The following SEC14L1 variants were observed in gnomAD, a reference collection of about 807,000 sequenced individuals.
SEC14L1 encodes the protein SEC14-like protein 1.
In SEC14L1, 48 loss-of-function variants were observed where a neutral mutation model predicts 85.3. The ratio of observed to expected loss-of-function variants is 0.56; its 90% CI spans 0.45 to 0.72. The LOEUF is 0.72. SEC14L1 is among the 30% of genes least tolerant of loss of function. The pLI is 0.00. For synonymous variants in SEC14L1, 391 were observed against 355.5 expected (o/e 1.10, Z -1.12); for missense variants, 682 against 921.4 (o/e 0.74, Z 3.36).
At chr17:77,091,904 C>T (rs541148855) in intron 2 of SEC14L1, among the ~76,000 whole-genome samples, 23 of 152,184 alleles carry the variant, frequency 1.5e-4, no homozygotes, top group Admixed American at 1.0e-3. Flanking sequence ...CTCCGCCTCC[C>T]GGGTTCAAGC....
chr17:77,112,283 G>A (rs929527364), intron 3 of SEC14L1, among the ~76,000 whole-genome samples: 1 of 152,056 alleles, frequency 6.6e-6, no homozygotes, highest in Non-Finnish European at 1.5e-5. Context: ...GCCAGTCTCG[G>A]GTCTCTCTTC....
At chr17:77,134,196 C>A (rs553288291) in intron 3 of SEC14L1, among the ~76,000 whole-genome samples, 1 of 152,012 alleles carries the variant, frequency 6.6e-6, no homozygotes, top group East Asian at 1.9e-4. Flanking sequence ...ACTATTAGCC[C>A]AGAGAACAGA....
chr17:77,176,359 A>G (rs576007593), intron 3 of SEC14L1, among the ~76,000 whole-genome samples: 1 of 152,258 alleles, frequency 6.6e-6, no homozygotes, highest in South Asian at 2.1e-4. Context: ...CGGATCAATC[A>G]GAGGAAACTG....
chr17:77,090,625 G>A (rs1013483793), intron 2 of SEC14L1, among the ~76,000 whole-genome samples: 2 of 151,978 alleles, frequency 1.3e-5, no homozygotes, highest in African/African-American at 4.8e-5. Flanking sequence ...AGCAGGTGCA[G>A]CTGGTGAAGG....
intron 3 of SEC14L1, among the ~76,000 whole-genome samples, chr17:77,144,486 C>G (rs1471009564): frequency 6.6e-6 from 1 of 152,152 alleles, no homozygotes; most frequent in Non-Finnish European, 1.5e-5. Flanking sequence ...AATAGAAACG[C>G]AGGTGTTTTA....
Position 77,192,422 on chromosome 17 carries a change from G to C in SEC14L1, c.346-999G>C, listed in dbSNP as rs182025569. On this transcript the variant is annotated intron_variant, in intron 5 of 16. Transcript: ENST00000436233. ...TGTTTCCACAGTTCGCCCAGAGGAA[G>C]AGCCCATAGTCTTTATGGTGACTTG... Among the ~76,000 whole-genome samples, 8 of 152,308 alleles carry C rather than the reference G, an allele frequency of 5.3e-5. No individual in the cohort carries two copies. The East Asian group carries it at 1.5e-3, about 29-fold the overall frequency.
intron 3 of SEC14L1, among the ~76,000 whole-genome samples, chr17:77,186,546 C>T (rs1975276202): frequency 6.6e-6 from 1 of 152,230 alleles, no homozygotes; most frequent in Admixed American, 6.5e-5. Context: ...TACCATGGTC[C>T]CTTGTGCGTA....
intron 3 of SEC14L1, among the ~76,000 whole-genome samples, chr17:77,132,317 G>A (rs548583250): frequency 2.0e-4 from 30 of 151,506 alleles, no homozygotes; most frequent in African/African-American, 7.0e-4. Flanking sequence ...CCAACTCCTG[G>A]GTTCAAGCGA....
intron 9 of SEC14L1, 27 bp from the exon 10 acceptor site, chr17:77,203,543 C>G (rs748161517): frequency 4.4e-6 from 7 of 1,593,282 alleles, no homozygotes; most frequent in Non-Finnish European, 5.2e-6. Flanking sequence ...ATGGTGCTGA[C>G]AACTCATTCC....
intron 3 of SEC14L1, among the ~76,000 whole-genome samples, chr17:77,184,060 A>T (rs1314982022): frequency 1.3e-5 from 2 of 152,118 alleles, no homozygotes; most frequent in Non-Finnish European, 2.9e-5. Flanking sequence ...TGCTGGGATT[A>T]CAGGGGTGAG....
chr17:77,176,402 G>C (rs55816412), intron 3 of SEC14L1, among the ~76,000 whole-genome samples: 10,356 of 152,288 alleles, frequency 0.068, 432 homozygotes, highest in Admixed American at 0.12. Context: ...TCAGTCCCGT[G>C]TGAGGATTTA....
At position 77,216,602 on chromosome 17, in the gene SEC14L1, G is replaced by A. The variant is rs746101750; in HGVS notation, c.*2579G>A. The A allele has an allele frequency of 6.2e-7, 1 of 1,613,294 alleles. No individual in the cohort carries two copies. ...AAATGCTTCACTCAACAGTCCTCAT[G>A]TGCCCAGAGATGTTTATAGAACTGT... On this transcript the variant is annotated 3_prime_UTR_variant, in exon 17 of 17. Coordinates refer to ENST00000436233, the MANE Select transcript of SEC14L1 (RefSeq NM_001143998.2).
intron 2 of SEC14L1, chr17:77,089,338 G>T (rs199571177): frequency 8.2e-5 from 42 of 511,732 alleles, no homozygotes; most frequent in Non-Finnish European, 3.1e-5. Flanking sequence ...GTGTTGTTGA[G>T]CCTGCCAAGT....
chr17:77,190,943 G>A lies in SEC14L1; in HGVS notation c.204G>A (p.Leu68=). 1.2e-6 allele frequency: 2 copies of A among 1,614,148 alleles called. No homozygotes were observed. The highest frequency in any genetic ancestry group is 1.7e-6 in the Non-Finnish European group (2 of 1,180,034). ...AGCTGGATGTAGATGCACCCAGACT[G>A]CTGAAGAAGGTAAAGGTCGGAAAGG... ...RCKLDVDAPR[L]LKKIAGVDYV... The change falls in exon 4 of 17, where the codon CTG becomes CTA. Residue 68 remains leucine (L), a synonymous_variant. Transcript: ENST00000436233.
At chr17:77,205,989 G>T (rs571460602) in intron 11 of SEC14L1, among the ~76,000 whole-genome samples, 2 of 152,120 alleles carry the variant, frequency 1.3e-5, no homozygotes, top group Non-Finnish European at 2.9e-5. Context: ...AGAGCTTTTC[G>T]TGCATTATCA....
At chr17:77,185,421 A>C in intron 3 of SEC14L1, 1 of 982,376 alleles carries the variant, frequency 1.0e-6, no homozygotes, top group Middle Eastern at 5.2e-4. Context: ...GTCTACGTGG[A>C]TGGAGAATTT....
intron 3 of SEC14L1, among the ~76,000 whole-genome samples, chr17:77,159,382 CTTT>C (rs763082986): frequency 3.4e-5 from 4 of 118,186 alleles, no homozygotes; most frequent in African/African-American, 3.2e-5. Context: ...TCTTCTTCTT[CTTT>C]TTTTTTTTTT....
At chr17:77,150,058 A>G (rs947215070) in intron 3 of SEC14L1, among the ~76,000 whole-genome samples, 1 of 152,144 alleles carries the variant, frequency 6.6e-6, no homozygotes, top group Non-Finnish European at 1.5e-5. Context: ...TCTCAGAGTA[A>G]CCACAGTTGT....
At position 77,096,773 on chromosome 17, in the gene SEC14L1, CAA is replaced by C. The variant is rs1414364898; in HGVS notation, c.-136+3430_-136+3431del. Among the ~76,000 whole-genome samples the C allele has an allele frequency of 2.6e-5, 4 of 152,052 alleles. No homozygotes were observed. In the East Asian group the frequency reaches 7.7e-4, roughly 29 times the overall value. ...TAATTTAGCCAAGACTTTCTGTGAC[CAA>C]AAAGTTATGTCTGTTGTAACTTGGT... is the stretch of plus-strand genomic sequence containing the variant. On this transcript the variant is annotated intron_variant, in intron 3 of 19. Transcript: ENST00000392476.
Sources: allele counts gnomAD v4.1 joint callset (sites outside exome capture counted in the v4.1 genomes callset), GRCh38; gene constraint gnomAD v4.1.1; transcripts MANE v1.5; gene names NCBI Gene and HGNC (gene_info 2026-07-23, HGNC 2026-07-21).